RELN: variants seen among roughly 807,000 people sequenced by gnomAD.
The protein encoded by RELN is reelin.
Under a neutral mutation model 427.6 loss-of-function variants are expected in RELN, and 108 were observed. The ratio of observed to expected loss-of-function variants is 0.25; its 90% CI spans 0.22 to 0.30. The LOEUF is 0.30. Among genes scored for constraint, RELN ranks in the 10% least tolerant of loss-of-function variants. RELN has a pLI of 1.00. For synonymous variants in RELN, 1,524 were observed against 1,513.4 expected (o/e 1.01, Z -0.16); for missense variants, 3,715 against 4,302.8 (o/e 0.86, Z 3.82).
chr7:103,925,909 A>C (rs1288207647), intron 1 of RELN, among the ~76,000 whole-genome samples: 1 of 152,060 alleles, frequency 6.6e-6, no homozygotes, highest in Non-Finnish European at 1.5e-5. Flanking sequence ...TTCTCCCCCA[A>C]AATCATCAGG....
chr7:103,711,819 G>C (rs992348414), intron 8 of RELN, among the ~76,000 whole-genome samples: 1 of 151,974 alleles, frequency 6.6e-6, no homozygotes, highest in African/African-American at 2.4e-5. Context: ...ACCAAACCTG[G>C]CTAATTTTTT....
At chr7:103,943,872 A>T (rs958082582) in intron 1 of RELN, among the ~76,000 whole-genome samples, 1 of 150,194 alleles carries the variant, frequency 6.7e-6, no homozygotes, top group African/African-American at 2.5e-5. Flanking sequence ...AAAAAAAAGA[A>T]TTGGAAATTA....
intron 62 of RELN, 83 bp from the exon 63 acceptor site, chr7:103,483,054 A>G (rs559623096): frequency 2.9e-6 from 3 of 1,023,884 alleles, no homozygotes; most frequent in East Asian, 2.4e-5. Context: ...GTCAAATATT[A>G]TAATAGGCTA....
At chr7:103,909,720 TAAATATATTTTTTA>T (rs1563084835) in intron 2 of RELN, among the ~76,000 whole-genome samples, 3,492 of 33,170 alleles carry the variant, frequency 0.11, 472 homozygotes, top group East Asian at 0.41. Context: ...AAATATATAT[TAAATATATTTTTTA>T]ATATATATAA....
At chr7:103,750,599 G>A (rs566494789) in intron 5 of RELN, among the ~76,000 whole-genome samples, 2 of 152,216 alleles carry the variant, frequency 1.3e-5, no homozygotes, top group African/African-American at 4.8e-5. Flanking sequence ...AGAACATTCT[G>A]GCTATTTATT....
chr7:103,820,087 T>G (rs1792977686), intron 3 of RELN, among the ~76,000 whole-genome samples: 1 of 152,002 alleles, frequency 6.6e-6, no homozygotes, highest in East Asian at 1.9e-4. Flanking sequence ...TTTAAAAAAT[T>G]TATCCAGCAT....
rs1288349555 is a variant in RELN, at chr7:103,661,458, G to C, written c.1359C>G (p.Phe453Leu). The C allele has an allele frequency of 1.2e-6, 2 of 1,613,636 alleles. No individual in the cohort carries two copies. Among genetic ancestry groups the C allele is most frequent in the South Asian group, 2.2e-5 (2 of 91,076 alleles). ...GTIESGLSMV[F>L]LKDGERKLCT... Reference sequence around the variant, plus strand: ...ATAATTTCCTCTCTCCATCTTTGAGGAAGACCATTGATAAGCCTGATTCTA... The same window carrying C: ...ATAATTTCCTCTCTCCATCTTTGAGCAAGACCATTGATAAGCCTGATTCTA... Residue 453 changes from phenylalanine (F) to leucine (L), a missense_variant, in exon 12 of 65, where the codon TTC (phenylalanine) becomes TTG (leucine). By Grantham distance (22) the Phe-to-Leu change is conservative. Transcript: ENST00000428762.
chr7:103,557,212 T>C, intron 37 of RELN, 53 bp from the exon 38 acceptor site: 6 of 1,423,978 alleles, frequency 4.2e-6, no homozygotes, highest in Non-Finnish European at 5.0e-6. Context: ...AATGGGGAAA[T>C]GGTATGTTCT....
intron 45 of RELN, among the ~76,000 whole-genome samples, chr7:103,536,218 A>G (rs769310886): frequency 2.0e-5 from 3 of 152,220 alleles, no homozygotes; most frequent in Non-Finnish European, 2.9e-5. Context: ...AGGCCACGGA[A>G]TATGTGCCAA....
chr7:103,821,051 T>C (rs1255331519), intron 3 of RELN, among the ~76,000 whole-genome samples: 1 of 152,178 alleles, frequency 6.6e-6, no homozygotes, highest in Non-Finnish European at 1.5e-5. Flanking sequence ...GTTTTCTCTG[T>C]AGAAGGTTTT....
chr7:103,746,422 CT>C, intron 6 of RELN, among the ~76,000 whole-genome samples: 2 of 152,036 alleles, frequency 1.3e-5, no homozygotes, highest in South Asian at 4.2e-4. Flanking sequence ...CAAATGGGAT[CT>C]AATTAAACTA....
At chr7:103,882,068 C>A (rs950366565) in intron 2 of RELN, among the ~76,000 whole-genome samples, 3 of 152,172 alleles carry the variant, frequency 2.0e-5, no homozygotes, top group African/African-American at 2.4e-5. Flanking sequence ...TAAATGTATT[C>A]TTTCTACCTT....
chr7:103,837,327 G>A (rs1247070451), intron 2 of RELN, among the ~76,000 whole-genome samples: 3 of 152,146 alleles, frequency 2.0e-5, no homozygotes, highest in Non-Finnish European at 4.4e-5. Flanking sequence ...CTTAGCATCA[G>A]TTAGAAGGTT....
intron 3 of RELN, among the ~76,000 whole-genome samples, chr7:103,783,652 T>C (rs1196862153): frequency 6.6e-6 from 1 of 152,186 alleles, no homozygotes; most frequent in East Asian, 1.9e-4. Flanking sequence ...AAATAGATGG[T>C]TTAACCTTGA....
chr7:103,636,972 G>A (rs1832597308), intron 17 of RELN, among the ~76,000 whole-genome samples: 1 of 152,002 alleles, frequency 6.6e-6, no homozygotes, highest in Non-Finnish European at 1.5e-5. Flanking sequence ...ATGTATAAAG[G>A]GAATGTGTAC....
Position 103,953,478 on chromosome 7 carries a change from T to C in RELN, c.226+35653A>G, listed in dbSNP as rs1796372594. On this transcript the variant is annotated intron_variant, in intron 1 of 64. Transcript: ENST00000428762. The surrounding 1 kb of genome is among the most constrained non-coding windows in gnomAD (Gnocchi z 4.3). ...CTAATGTGCTCTTGACAAATCACATTTTGGCAGTGCTGATATTTTTAAGGC... is the reference window on the plus strand; with the variant it reads ...CTAATGTGCTCTTGACAAATCACATCTTGGCAGTGCTGATATTTTTAAGGC... Among the ~76,000 whole-genome samples the C allele has an allele frequency of 6.6e-6, 1 of 152,154 alleles. No homozygotes were observed. The highest frequency in any genetic ancestry group is 6.5e-5 in the Admixed American group (1 of 15,274).
chr7:103,960,345 G>T (rs1362599803), intron 1 of RELN, among the ~76,000 whole-genome samples: 1 of 152,180 alleles, frequency 6.6e-6, no homozygotes, highest in East Asian at 1.9e-4. Flanking sequence ...GCTCTAGTGA[G>T]CTGCAAGCTC....
chr7:103,506,699 C>T (rs1263159957), intron 51 of RELN, among the ~76,000 whole-genome samples: 1 of 152,174 alleles, frequency 6.6e-6, no homozygotes, highest in African/African-American at 2.4e-5. Context: ...GGATCAAATT[C>T]ACACATAACA....
At chr7:103,768,471 T>C (rs1791481928) in intron 4 of RELN, among the ~76,000 whole-genome samples, 1 of 152,190 alleles carries the variant, frequency 6.6e-6, no homozygotes, top group African/African-American at 2.4e-5. Flanking sequence ...AATATGCTGG[T>C]ACATGTATTT....
Sources: gnomAD v4.1 joint callset for allele counts (sites outside exome capture counted in the v4.1 genomes callset) on GRCh38, gnomAD v4.1.1 for gene constraint, Gnocchi (gnomAD v3.1) non-coding constraint, MANE v1.5 for transcripts, NCBI Gene and HGNC (gene_info 2026-07-23, HGNC 2026-07-21) for gene names.